Variants in CLHC1 observed in about 807,000 individuals in gnomAD.
The protein encoded by CLHC1 is clathrin heavy chain linker domain containing 1, also known as clathrin heavy chain linker domain-containing protein 1.
A neutral mutation model predicts 69.5 loss-of-function variants in CLHC1; 72 were observed. That is an observed-to-expected ratio of 1.04 (90% CI 0.86 to 1.26). The LOEUF is 1.26. Among genes scored for constraint, CLHC1 ranks in the 50% most tolerant of loss-of-function variants. The pLI is 0.00. For missense variants in CLHC1, 790 were observed against 679.3 expected (o/e 1.16, Z -1.81); for synonymous variants, 223 against 224.3 (o/e 0.99, Z 0.05).
intron 9 of CLHC1, among the ~76,000 whole-genome samples, chr2:55,201,860 A>C (rs1671975271): frequency 6.6e-6 from 1 of 152,240 alleles, no homozygotes; most frequent in South Asian, 2.1e-4. Flanking sequence ...TTCAACATAC[A>C]CAAATGAATC....
chr2:55,202,133 T>A (rs969854399), intron 9 of CLHC1, among the ~76,000 whole-genome samples: 20 of 151,892 alleles, frequency 1.3e-4, no homozygotes, highest in Non-Finnish European at 2.9e-4. Context: ...ACCACTGGTA[T>A]TCAACACAGT....
chr2:55,231,252 GAA>G (rs34262405), intron 1 of CLHC1, among the ~76,000 whole-genome samples: 8 of 103,076 alleles, frequency 7.8e-5, no homozygotes, highest in Admixed American at 2.1e-4. Flanking sequence ...TCCGTCTCAC[GAA>G]AAAAAAAAAA....
chr2:55,175,688 T>C lies in CLHC1; in HGVS notation c.*102A>G. ...GTGTGATTTATTTCTGAGATCTTCT[T>C]ACTCTAGATTTATTTATAAGTTAGT... On this transcript the variant is annotated 3_prime_UTR_variant, in exon 13 of 13. Coordinates refer to ENST00000401408, the MANE Select transcript of CLHC1 (RefSeq NM_152385.4). 1 of 698,584 alleles carries C rather than the reference T, an allele frequency of 1.4e-6. No homozygotes were observed. 43.3% of individuals were successfully genotyped at this position (698,584 alleles called of 1,614,324 possible).
rs1368118849 is a variant in CLHC1, at chr2:55,215,229, T to TA, written c.366-2424dup. On this transcript the variant is annotated intron_variant, in intron 4 of 12. Coordinates refer to ENST00000401408, the MANE Select transcript of CLHC1 (RefSeq NM_152385.4). ...AGAAAAGTACTACAGAATATATTTT[T>TA]AAAAAATCTTTCCAAAAGCATCAGA... The TA allele has an allele frequency of 2.0e-5, 3 of 152,328 alleles. No homozygotes were observed. The East Asian group carries it at 5.8e-4, about 29-fold the overall frequency. 9.4% of individuals were successfully genotyped at this position (152,328 alleles called of 1,614,324 possible). A position where few individuals can be genotyped will look rare whatever the true frequency, so the allele number is the denominator to read the frequency against.
At chr2:55,193,051 C>G (rs559165335) in intron 9 of CLHC1, among the ~76,000 whole-genome samples, 1 of 71,478 alleles carries the variant, frequency 1.4e-5, no homozygotes, top group Admixed American at 1.5e-4. Context: ...CCACCACACC[C>G]GGCGGCTAAT....
In CLHC1 at chr2:55,209,518, T is replaced by A; in HGVS notation, c.702-2A>T. ...GAAATTATCTGCAGTCTTTGATGAC[T>A]AAAAAGATAAAAAACGTCAATAACA... On this transcript the variant is annotated splice_acceptor_variant, in intron 6 of 12. Coordinates refer to ENST00000401408, the MANE Select transcript of CLHC1 (RefSeq NM_152385.4). LOFTEE classifies it high-confidence loss of function. 1 of 1,595,120 alleles carries A rather than the reference T, an allele frequency of 6.3e-7. No homozygotes were observed. The highest frequency in any genetic ancestry group is 8.6e-7 in the Non-Finnish European group (1 of 1,168,114).
rs760727683 is a variant in CLHC1, at chr2:55,181,657, A to G, written c.1094T>C (p.Val365Ala). 5.0e-6 allele frequency: 8 copies of G among 1,613,914 alleles called. No individual in the cohort carries two copies. Among genetic ancestry groups the G allele is most frequent in the Non-Finnish European group, 6.8e-6 (8 of 1,179,826 alleles). Residue 365 changes from valine (V) to alanine (A), a missense_variant, in exon 10 of 13, where the codon GTT becomes GCT. Transcript: ENST00000401408. ...FITSHAFPCP[V>A]DAALTLEGIK... ...TCCTTCCAGGGTTAGAGCTGCATCA[A>G]CAGGACATGGAAAAGCATGACTTGT... is the stretch of plus-strand genomic sequence containing the variant.
intron 4 of CLHC1, among the ~76,000 whole-genome samples, chr2:55,213,175 G>A (rs1266061877): frequency 1.3e-5 from 2 of 152,170 alleles, no homozygotes; most frequent in Non-Finnish European, 2.9e-5. Context: ...ACAAACAACA[G>A]AAATTTATTC....
At chr2:55,224,677 G>A (rs1271673986) in intron 2 of CLHC1, 2 of 235,696 alleles carry the variant, frequency 8.5e-6, no homozygotes, top group East Asian at 2.4e-4. Context: ...CGGTCCAGGA[G>A]AAGCTGAGAA....
intron 3 of CLHC1, among the ~76,000 whole-genome samples, chr2:55,220,789 T>C (rs1011389595): frequency 6.6e-5 from 10 of 152,222 alleles, no homozygotes; most frequent in African/African-American, 2.2e-4. Flanking sequence ...AGCATGACTC[T>C]TGATATTTAT....
At chr2:55,224,227 CA>C in intron 2 of CLHC1, 1 of 312,136 alleles carries the variant, frequency 3.2e-6, no homozygotes, top group Non-Finnish European at 6.5e-6. Context: ...AGGTCACAGC[CA>C]GGAGCCAGGG....
At chr2:55,212,061 G>C (rs1359526579) in intron 5 of CLHC1, among the ~76,000 whole-genome samples, 1 of 152,082 alleles carries the variant, frequency 6.6e-6, no homozygotes, top group Non-Finnish European at 1.5e-5. Context: ...TGGATCGCTT[G>C]AGCCCAGGAG....
chr2:55,222,534 T>A (rs995619395), intron 2 of CLHC1, 41 bp from the exon 3 acceptor site: 1 of 684,002 alleles, frequency 1.5e-6, no homozygotes, highest in Admixed American at 3.2e-5. Flanking sequence ...AATAATTTTT[T>A]AACTTAAGTC....
intron 4 of CLHC1, among the ~76,000 whole-genome samples, chr2:55,217,345 A>G (rs1293560543): frequency 1.3e-5 from 2 of 150,410 alleles, no homozygotes; most frequent in East Asian, 3.9e-4. Flanking sequence ...GTGAGACCCC[A>G]TCTCTATTTT....
chr2:55,179,039 C>T (rs1669666181), intron 11 of CLHC1, among the ~76,000 whole-genome samples: 1 of 150,062 alleles, frequency 6.7e-6, no homozygotes, highest in South Asian at 2.1e-4. Flanking sequence ...AGCGATCTTC[C>T]CATCTCAGCC....
At chr2:55,209,539 T>G in intron 6 of CLHC1, 23 bp from the exon 7 acceptor site, 5 of 1,580,990 alleles carry the variant, frequency 3.2e-6, no homozygotes, top group Non-Finnish European at 4.3e-6. Flanking sequence ...AAAACGTCAA[T>G]AACACACTGA....
Position 55,217,876 on chromosome 2 carries a change from T to G in CLHC1, c.300A>C (p.Lys100Asn). ...RTTFCLHGKLKGLAAEPTALV... is the reference protein window; with the variant it reads ...RTTFCLHGKLNGLAAEPTALV... ...AAGCTGTAGGCTCTGCTGCCAAACC[T>G]TTAAGTTTTCCATGAAGACAAAATG... is the stretch of plus-strand genomic sequence containing the variant. Residue 100 changes from lysine (K) to asparagine (N), a missense_variant, in exon 4 of 13, where the codon AAA becomes AAC. Transcript: ENST00000401408. The G allele has an allele frequency of 6.2e-7, 1 of 1,607,834 alleles. No individual in the cohort carries two copies.
At chr2:55,183,531 C>T (rs896816948) in intron 9 of CLHC1, among the ~76,000 whole-genome samples, 1 of 152,116 alleles carries the variant, frequency 6.6e-6, no homozygotes, top group Non-Finnish European at 1.5e-5. Flanking sequence ...GATTCTGCGT[C>T]CGATTGAGGG....
In CLHC1 at chr2:55,174,601, T is replaced by C. The variant is rs1230589758; in HGVS notation, c.*1189A>G. 6.6e-6 allele frequency among the ~76,000 whole-genome samples: 1 copy of C among 152,178 alleles called. No individual in the cohort carries two copies. Among genetic ancestry groups the C allele is most frequent in the Non-Finnish European group, 1.5e-5 (1 of 68,030 alleles). ...AAGCCTAAGGAAGACTGCCCATATT[T>C]TATAAGTGAGTAAGAGGTAGGACCA... On this transcript the variant is annotated 3_prime_UTR_variant, in exon 13 of 13. Transcript: ENST00000401408.
Sources: gnomAD v4.1 joint callset for allele counts (sites outside exome capture counted in the v4.1 genomes callset) on GRCh38, gnomAD v4.1.1 for gene constraint, MANE v1.5 for transcripts, NCBI Gene and HGNC (gene_info 2026-07-23, HGNC 2026-07-21) for gene names.